AQR: variants seen among roughly 807,000 people sequenced by gnomAD.
AQR encodes RNA helicase aquarius.
Under a neutral mutation model 180.5 loss-of-function variants are expected in AQR, and 61 were observed. The observed-to-expected ratio is 0.34, with a 90% confidence interval of 0.28 to 0.42. The LOEUF (loss-of-function observed/expected upper bound fraction) is 0.42, where lower values mean the gene tolerates loss of function less well. Among genes scored for constraint, AQR ranks in the 10% least tolerant of loss-of-function variants. The pLI is 1.00. For synonymous variants in AQR, 551 were observed against 588.8 expected, an observed-to-expected ratio of 0.94 and a Z score of 0.93; for missense variants, 1,281 against 1,798.3, an observed-to-expected ratio of 0.71 and a Z score of 5.20.
chr15:34,923,281 G>GA (rs1204302879), intron 13 of AQR, among the ~76,000 whole-genome samples: 1 of 152,094 alleles, frequency 6.6e-6, no homozygotes, highest in African/African-American at 2.4e-5. Flanking sequence ...TGGGGTTCTG[G>GA]AACACATCCC....
At chr15:34,884,376 A>G in intron 26 of AQR, 149 bp downstream of exon 26, 1 of 654,524 alleles carries the variant, frequency 1.5e-6, no homozygotes, top group African/African-American at 1.9e-5. Flanking sequence ...ACTGCACTCC[A>G]GCCTGGGCAA....
rs1892574055 is a variant in AQR, at chr15:34,855,385, T to C, written c.*1407A>G. 6.6e-6 allele frequency: 1 copy of C among 152,210 alleles called. No individual in the cohort carries two copies. Among genetic ancestry groups the C allele is most frequent in the African/African-American group, 2.4e-5 (1 of 41,448 alleles). 9.4% of individuals were successfully genotyped at this position (152,210 alleles called of 1,614,324 possible). A position where few individuals can be genotyped will look rare whatever the true frequency, so the allele number is the denominator to read the frequency against. ...TGTTTCTTCAAAGATTCCTTGGACA[T>C]GGCCAGGCCCATAGGTGGATGCACT... On this transcript the variant is annotated 3_prime_UTR_variant, in exon 35 of 35. Transcript: ENST00000156471.
rs138090193 is a variant in AQR at position 34,916,575 on chromosome 15, C to T, written c.1343-1396G>A. Among the ~76,000 whole-genome samples, 1,059 of 151,894 alleles carry T rather than the reference C, an allele frequency of 7.0e-3. 10 individuals are homozygous for T. Among genetic ancestry groups the T allele is most frequent in the African/African-American group, 0.023 (936 of 41,430 alleles). On this transcript the variant is annotated intron_variant, in intron 15 of 34. Coordinates refer to ENST00000156471, the MANE Select transcript of AQR (RefSeq NM_014691.3). ...ACATTTTTATTTAAAAAAATGACAACTAAAATGTCACCACTTTGCAACACT... is the reference window on the plus strand; with the variant it reads ...ACATTTTTATTTAAAAAAATGACAATTAAAATGTCACCACTTTGCAACACT...
At chr15:34,930,023 C>T (rs1338262343) in intron 12 of AQR, among the ~76,000 whole-genome samples, 3 of 152,058 alleles carry the variant, frequency 2.0e-5, no homozygotes, top group African/African-American at 7.2e-5. Context: ...CAAACTGGCC[C>T]AGTAACTAAC....
At chr15:34,893,517 A>C in intron 23 of AQR, 146 bp downstream of exon 23, 1 of 613,652 alleles carries the variant, frequency 1.6e-6, no homozygotes, top group Non-Finnish European at 2.8e-6. Flanking sequence ...AGAATAATGA[A>C]ACTAGATTTC....
intron 18 of AQR, among the ~76,000 whole-genome samples, chr15:34,904,952 AG>A (rs1172669634): frequency 6.6e-6 from 1 of 151,974 alleles, no homozygotes; most frequent in Non-Finnish European, 1.5e-5. Flanking sequence ...AATTTGACAG[AG>A]GTTCATCACT....
intron 22 of AQR, among the ~76,000 whole-genome samples, chr15:34,894,452 A>G (rs900870713): frequency 6.6e-6 from 1 of 152,210 alleles, no homozygotes; most frequent in Non-Finnish European, 1.5e-5. Context: ...ATGAAGAAAA[A>G]CAAAACTAAC....
chr15:34,919,235 T>C (rs1470376071), intron 14 of AQR, among the ~76,000 whole-genome samples: 7 of 68,014 alleles, frequency 1.0e-4, no homozygotes, highest in Non-Finnish European at 2.5e-4. Context: ...TGAGACTCCA[T>C]CTCAAAAAAA....
At chr15:34,899,011 C>CTAAAAAAAA (rs1893291178) in intron 20 of AQR, among the ~76,000 whole-genome samples, 1 of 126,048 alleles carries the variant, frequency 7.9e-6, no homozygotes, top group Non-Finnish European at 1.7e-5. Context: ...ACCAAAAATA[C>CTAAAAAAAA]AAAAAAAAAA....
chr15:34,930,195 ACC>A, intron 12 of AQR, 61 bp downstream of exon 12: 1 of 992,624 alleles, frequency 1.0e-6, no homozygotes, highest in Non-Finnish European at 1.5e-6. Flanking sequence ...CCTATACAAA[ACC>A]TAAATTGCAG....
rs1004425911 is a variant in AQR at position 34,852,902 on chromosome 15, G to T, written c.*3890C>A. On this transcript the variant is annotated 3_prime_UTR_variant, in exon 35 of 35. Coordinates refer to ENST00000156471, the MANE Select transcript of AQR (RefSeq NM_014691.3). ...GTAGAGAGATAAGTGAATAAAGCTG[G>T]CACACTGTCAGTCCGGAGTACCATG... The T allele has an allele frequency of 2.1e-4, 32 of 152,184 alleles. No individual in the cohort carries two copies. Among genetic ancestry groups the T allele is most frequent in the African/African-American group, 7.0e-4 (29 of 41,436 alleles). The allele number at this position is 152,184 out of a possible 1,614,324, so 9.4% of individuals were successfully genotyped here.
At chr15:34,871,354 A>C (rs1011787209) in intron 30 of AQR, among the ~76,000 whole-genome samples, 2 of 151,950 alleles carry the variant, frequency 1.3e-5, no homozygotes, top group Non-Finnish European at 2.9e-5. Flanking sequence ...TAAAAATACA[A>C]AAATTAGCTG....
intron 15 of AQR, among the ~76,000 whole-genome samples, chr15:34,915,712 G>A (rs758411012): frequency 7.2e-5 from 11 of 151,898 alleles, no homozygotes; most frequent in Non-Finnish European, 1.0e-4. Flanking sequence ...TTGGGAAGCC[G>A]AGGCCGGTGG....
chr15:34,885,853 T>C (rs1893052140), intron 25 of AQR, among the ~76,000 whole-genome samples: 1 of 152,158 alleles, frequency 6.6e-6, no homozygotes, highest in Non-Finnish European at 1.5e-5. Flanking sequence ...ATATCTAAAA[T>C]ATACAATTGG....
Position 34,857,123 on chromosome 15 carries a change from AAAC to A in AQR, c.4144-20_4144-18del. Reference sequence around the variant, plus strand: ...TAATAAAGTCTAATTAAAAAAAAAAAAACAAAGACAATACCAATATGAAAAACA... The same window carrying A: ...TAATAAAGTCTAATTAAAAAAAAAAAAAAGACAATACCAATATGAAAAACA... On this transcript the variant is annotated intron_variant, in intron 34 of 34. Transcript: ENST00000156471. 2 of 1,533,160 alleles carry A rather than the reference AAAC, an allele frequency of 1.3e-6. No homozygotes were observed. The highest frequency in any genetic ancestry group is 2.8e-5 in the African/African-American group (2 of 71,866). 95.0% of individuals were successfully genotyped at this position (1,533,160 alleles called of 1,614,324 possible).
intron 18 of AQR, among the ~76,000 whole-genome samples, chr15:34,905,216 ATAACT>A (rs1045091292): frequency 6.6e-6 from 1 of 151,978 alleles, no homozygotes; most frequent in Non-Finnish European, 1.5e-5. Context: ...CTAGAGATAA[ATAACT>A]TAATCATCAG....
In AQR at chr15:34,940,904, T is replaced by C. The variant is rs1350482976; in HGVS notation, c.636A>G (p.Arg212=). Residue 212 remains arginine (R), a synonymous_variant, in exon 8 of 35, where the codon AGA becomes AGG. Coordinates refer to ENST00000156471, the MANE Select transcript of AQR (RefSeq NM_014691.3). Reference sequence around the variant, plus strand: ...ATGAAGCTCTGCCAACATACTGTTCTCTTGCTTCTGGATCCATCTTTTCAT... The same window carrying C: ...ATGAAGCTCTGCCAACATACTGTTCCCTTGCTTCTGGATCCATCTTTTCAT... ...KNDEKMDPEA[R]EQAYQERRFL... is the part of the protein sequence containing the mutation. The C allele has an allele frequency of 1.2e-6, 2 of 1,602,602 alleles. No homozygotes were observed. The highest frequency in any genetic ancestry group is 1.7e-6 in the Non-Finnish European group (2 of 1,171,732).
intron 16 of AQR, among the ~76,000 whole-genome samples, 165 bp from the exon 17 acceptor site, chr15:34,910,478 A>G (rs1472213290): frequency 6.6e-6 from 1 of 152,198 alleles, no homozygotes; most frequent in East Asian, 1.9e-4. Flanking sequence ...TTAACTCTCA[A>G]AGTATGCAAA....
chr15:34,933,793 A>G (rs982597275), intron 10 of AQR, among the ~76,000 whole-genome samples: 5 of 152,234 alleles, frequency 3.3e-5, no homozygotes, highest in Non-Finnish European at 5.9e-5. Flanking sequence ...TGTACAAAGT[A>G]AAACCAGTTT....
Sources: gnomAD v4.1 joint callset for allele counts (sites outside exome capture counted in the v4.1 genomes callset) on GRCh38, gnomAD v4.1.1 for gene constraint, MANE v1.5 for transcripts, NCBI Gene and HGNC (gene_info 2026-07-23, HGNC 2026-07-21) for gene names.